AASS: variants seen among roughly 807,000 people sequenced by gnomAD.
AASS encodes the protein alpha-aminoadipic semialdehyde synthase, mitochondrial.
A neutral mutation model predicts 105.4 loss-of-function variants in AASS; 86 were observed. That is an observed-to-expected ratio of 0.82 (90% CI 0.69 to 0.98). The LOEUF is 0.98. Among genes scored for constraint, AASS ranks in the 50% least tolerant of loss-of-function variants. The pLI is 0.00. For missense variants in AASS, 1,048 were observed against 1,143.2 expected, an observed-to-expected ratio of 0.92 and a Z score of 1.20; for synonymous variants, 381 against 394.8, an observed-to-expected ratio of 0.96 and a Z score of 0.41.
intron 16 of AASS, 26 bp from the exon 17 acceptor site, chr7:122,092,977 G>A (rs780164627): frequency 1.2e-6 from 2 of 1,612,392 alleles, no homozygotes; most frequent in East Asian, 2.2e-5. Context: ...AGAGGAAAAA[G>A]GAAAACTTGG....
At chr7:122,114,058 T>A (rs1795057524) in intron 9 of AASS, among the ~76,000 whole-genome samples, 1 of 152,206 alleles carries the variant, frequency 6.6e-6, no homozygotes, top group Admixed American at 6.5e-5. Flanking sequence ...GGTTCAATTA[T>A]GCTACCTCCA....
chr7:122,095,044 C>T (rs1445808153), intron 15 of AASS, among the ~76,000 whole-genome samples: 1 of 152,080 alleles, frequency 6.6e-6, no homozygotes, highest in Non-Finnish European at 1.5e-5. Context: ...CAGATTTCCC[C>T]AAAGCCAGAT....
intron 8 of AASS, 103 bp downstream of exon 8, chr7:122,116,530 G>T: frequency 6.8e-7 from 1 of 1,473,160 alleles, no homozygotes. Context: ...CTCACAACAG[G>T]AAAACTGAAA....
At chr7:122,141,736 T>C (rs573661221) in intron 1 of AASS, among the ~76,000 whole-genome samples, 79 of 149,866 alleles carry the variant, frequency 5.3e-4, no homozygotes, top group Admixed American at 2.2e-3. Flanking sequence ...TGAAATATAG[T>C]ACAGTATAGT....
chr7:122,117,701 G>A (rs1296763117), intron 6 of AASS, among the ~76,000 whole-genome samples: 1 of 151,384 alleles, frequency 6.6e-6, no homozygotes, highest in Non-Finnish European at 1.5e-5. Context: ...TGTCACCCAG[G>A]CTGGAGTGCA....
At chr7:122,119,858 A>T (rs1795359764) in intron 4 of AASS, among the ~76,000 whole-genome samples, 1 of 151,864 alleles carries the variant, frequency 6.6e-6, no homozygotes, top group African/African-American at 2.4e-5. Flanking sequence ...TCGTTCTAAG[A>T]CCCCTACACA....
At chr7:122,104,661 A>C (rs1362468340) in intron 11 of AASS, among the ~76,000 whole-genome samples, 1 of 152,118 alleles carries the variant, frequency 6.6e-6, no homozygotes, top group Non-Finnish European at 1.5e-5. Context: ...TATCCTAAGC[A>C]AATTAATGTA....
rs549850841 is a variant in AASS at position 122,074,505 on chromosome 7, T to C, written c.*1984A>G. Among the ~76,000 whole-genome samples the C allele has an allele frequency of 1.3e-5, 2 of 152,314 alleles. No homozygotes were observed. The highest frequency in any genetic ancestry group is 3.9e-4 in the East Asian group (2 of 5,190). ...ATTTTAATTTACCTATTTTCTTCTTTTGTTGCTTGTGTTTTTAGTGTCATT... is the reference window on the plus strand; with the variant it reads ...ATTTTAATTTACCTATTTTCTTCTTCTGTTGCTTGTGTTTTTAGTGTCATT... On this transcript the variant is annotated 3_prime_UTR_variant, in exon 24 of 24. Coordinates refer to ENST00000417368, the MANE Select transcript of AASS (RefSeq NM_005763.4).
chr7:122,126,583 G>A, intron 3 of AASS, 124 bp from the exon 4 acceptor site: 1 of 821,602 alleles, frequency 1.2e-6, no homozygotes, highest in Non-Finnish European at 2.1e-6. Context: ...CTTGCTAACA[G>A]AAGCTACCAT....
At chr7:122,079,803 CAA>C in intron 20 of AASS, 91 bp from the exon 21 acceptor site, 1 of 802,452 alleles carries the variant, frequency 1.2e-6, no homozygotes. Context: ...CACTGAACTT[CAA>C]ATACACCTCA....
rs993086543 is a variant in AASS, at chr7:122,103,157, G to A, written c.1279-1477C>T. Among the ~76,000 whole-genome samples the A allele has an allele frequency of 2.6e-5, 4 of 151,906 alleles. No homozygotes were observed. In the South Asian group the frequency reaches 6.2e-4, roughly 24 times the overall value. On this transcript the variant is annotated intron_variant, in intron 11 of 23. Transcript: ENST00000417368. ...CTCCAAACAGAGTTAACCCAAAGAGGTCCCTTTATAATTACTGTCAAAAAC... is the reference window on the plus strand; with the variant it reads ...CTCCAAACAGAGTTAACCCAAAGAGATCCCTTTATAATTACTGTCAAAAAC...
chr7:122,091,860 C>A lies in AASS; in HGVS notation c.1876-17G>T. The A allele has an allele frequency of 6.5e-7, 1 of 1,548,336 alleles. No individual in the cohort carries two copies. The highest frequency in any genetic ancestry group is 1.1e-5 in the South Asian group (1 of 88,778). On this transcript the variant is annotated splice_polypyrimidine_tract_variant and intron_variant, in intron 17 of 23. Transcript: ENST00000417368. ...TGATTCAATCTATAAATTAAAGAAT[C>A]AATAAATAAGGAAGAATTCACAACT...
At chr7:122,116,563 C>G in intron 8 of AASS, 70 bp downstream of exon 8, 1 of 1,594,654 alleles carries the variant, frequency 6.3e-7, no homozygotes, top group South Asian at 1.1e-5. Flanking sequence ...TTCATAATTT[C>G]TCTCCTTGAA....
rs560652043 is a variant in AASS, at chr7:122,127,013, T to C, written c.388-554A>G. Among the ~76,000 whole-genome samples the C allele has an allele frequency of 1.8e-4, 28 of 152,236 alleles. No individual in the cohort carries two copies. The South Asian group carries it at 4.6e-3, about 25-fold the overall frequency. On this transcript the variant is annotated intron_variant, in intron 3 of 23. Coordinates refer to ENST00000417368, the MANE Select transcript of AASS (RefSeq NM_005763.4). Reference sequence around the variant, plus strand: ...TCTCTTTCAACCTGGGAAATAACACTCTCTCTCAAGTCCAAGCACAGATAT... The same window carrying C: ...TCTCTTTCAACCTGGGAAATAACACCCTCTCTCAAGTCCAAGCACAGATAT...
chr7:122,129,128 G>A (rs370565088), intron 3 of AASS, among the ~76,000 whole-genome samples: 5 of 151,994 alleles, frequency 3.3e-5, no homozygotes, highest in South Asian at 2.1e-4. Flanking sequence ...TGATCCCTGA[G>A]GTTATTTTCA....
intron 20 of AASS, 49 bp downstream of exon 20, chr7:122,081,451 A>C (rs994771422): frequency 2.1e-6 from 3 of 1,395,708 alleles, no homozygotes; most frequent in Non-Finnish European, 2.0e-6. Context: ...ACCATTTCAG[A>C]AGGTATTTCT....
At chr7:122,097,268 A>T (rs1794202346) in intron 15 of AASS, among the ~76,000 whole-genome samples, 2 of 151,988 alleles carry the variant, frequency 1.3e-5, no homozygotes, top group Admixed American at 1.3e-4. Context: ...AATCACTATG[A>T]GGGAACAGAT....
At chr7:122,085,743 C>T (rs184574313) in intron 19 of AASS, among the ~76,000 whole-genome samples, 3 of 152,248 alleles carry the variant, frequency 2.0e-5, no homozygotes, top group Admixed American at 6.5e-5. Context: ...TGAGACGTTA[C>T]GAGAAGTCAG....
chr7:122,089,993 T>C (rs2150514527), intron 18 of AASS, among the ~76,000 whole-genome samples: 1 of 152,316 alleles, frequency 6.6e-6, no homozygotes, highest in African/African-American at 2.4e-5. Flanking sequence ...GGCTGTAGCA[T>C]GTAAAAGGAT....
Sources: allele counts gnomAD v4.1 joint callset (sites outside exome capture counted in the v4.1 genomes callset), GRCh38; gene constraint gnomAD v4.1.1; transcripts MANE v1.5; gene names NCBI Gene and HGNC (gene_info 2026-07-23, HGNC 2026-07-21).